SLC6A20: variants seen among roughly 807,000 people sequenced by gnomAD.
SLC6A20 encodes the protein sodium- and chloride-dependent transporter XTRP3.
Under a neutral mutation model 64.3 loss-of-function variants are expected in SLC6A20, and 73 were observed. The observed-to-expected ratio is 1.14, with a 90% CI of 0.94 to 1.38. The LOEUF is 1.38. Among genes scored for constraint, SLC6A20 ranks in the 40% most tolerant of loss-of-function variants. The probability of loss-of-function intolerance (pLI) is 0.00; values close to 1 mark genes in which losing one functional copy is unlikely to be tolerated. For synonymous variants in SLC6A20, 347 were observed against 329.6 expected, an observed-to-expected ratio of 1.05 and a Z score of -0.57; for missense variants, 725 against 772.8, an observed-to-expected ratio of 0.94 and a Z score of 0.73.
At chr3:45,761,787 A>G (rs535549342) in intron 9 of SLC6A20, among the ~76,000 whole-genome samples, 98 of 152,210 alleles carry the variant, frequency 6.4e-4, no homozygotes, top group Non-Finnish European at 1.3e-3. Flanking sequence ...TTTGGGATCC[A>G]CAACTGTCTT....
At position 45,770,332 on chromosome 3, in the gene SLC6A20, A is replaced by G; in HGVS notation, c.975T>C (p.Asp325=). Residue 325 remains aspartate (D), a synonymous_variant, in exon 7 of 11, where the codon GAT becomes GAC. Transcript: ENST00000358525. ...LLLTNTFDLE[D]GFLTASNLEQ... ...CCAGGTTGCTGGCTGTCAAAAAGCC[A>G]TCTTCAAGGTCAAAAGTGTTGGTCA... 2 of 1,614,212 alleles carry G rather than the reference A, an allele frequency of 1.2e-6. No homozygotes were observed. The highest frequency in any genetic ancestry group is 1.7e-6 in the Non-Finnish European group (2 of 1,180,044).
At chr3:45,764,708 C>CA (rs71288017) in intron 8 of SLC6A20, among the ~76,000 whole-genome samples, 20,474 of 107,202 alleles carry the variant, frequency 0.19, 1,586 homozygotes, top group East Asian at 0.26. Context: ...TCTTTAAAAA[C>CA]AAAAAAAAAA....
At chr3:45,772,440 C>A (rs1285952632) in intron 5 of SLC6A20, 65 bp downstream of exon 5, 2 of 1,446,058 alleles carry the variant, frequency 1.4e-6, no homozygotes, top group East Asian at 2.3e-5. Flanking sequence ...CCTCTTCCCA[C>A]CCATCCTGGA....
chr3:45,792,595 G>A (rs980912839), intron 1 of SLC6A20, among the ~76,000 whole-genome samples: 2 of 152,186 alleles, frequency 1.3e-5, no homozygotes. Context: ...CAGGTAAACA[G>A]CTGCAGCACT....
In SLC6A20 at chr3:45,772,623, C is replaced by T. The variant is rs1359999725; in HGVS notation, c.583-8G>A. On this transcript the variant is annotated splice_region_variant and splice_polypyrimidine_tract_variant and intron_variant, in intron 4 of 10. Coordinates refer to ENST00000358525, the MANE Select transcript of SLC6A20 (RefSeq NM_020208.4). ...CGCCGTGAAATACACCACCTGCGGGCATCAGAGGGCAGAGTTGGCCTCCCG... is the reference window on the plus strand; with the variant it reads ...CGCCGTGAAATACACCACCTGCGGGTATCAGAGGGCAGAGTTGGCCTCCCG... The T allele has an allele frequency of 1.2e-6, 2 of 1,610,650 alleles. No homozygotes were observed. Among genetic ancestry groups the T allele is most frequent in the South Asian group, 2.2e-5 (2 of 90,454 alleles).
At chr3:45,772,311 T>C in intron 5 of SLC6A20, 194 bp downstream of exon 5, 1 of 528,370 alleles carries the variant, frequency 1.9e-6, no homozygotes, top group South Asian at 2.8e-5. Flanking sequence ...TAACAGGGAG[T>C]GGGGATGACC....
intron 1 of SLC6A20, among the ~76,000 whole-genome samples, chr3:45,793,801 G>C (rs927837834): frequency 2.0e-5 from 3 of 152,186 alleles, no homozygotes; most frequent in Non-Finnish European, 2.9e-5. Flanking sequence ...TAATGTGGCT[G>C]ATTTTTACCT....
At chr3:45,783,495 A>G (rs1295620459) in intron 1 of SLC6A20, among the ~76,000 whole-genome samples, 1 of 152,232 alleles carries the variant, frequency 6.6e-6, no homozygotes, top group Non-Finnish European at 1.5e-5. Flanking sequence ...CACCCCTTAA[A>G]GAGCTGCATG....
rs1159461412 is a variant in SLC6A20 at position 45,793,331 on chromosome 3, ATAGT to A, written c.121+2964_121+2967del. On this transcript the variant is annotated intron_variant, in intron 1 of 10. Coordinates refer to ENST00000358525, the MANE Select transcript of SLC6A20 (RefSeq NM_020208.4). The stretch of plus-strand genomic sequence containing the variant: ...TCTTCCGTGCACAGGTTTATGTAAA[ATAGT>A]TAGTGCAGTATTTGCTTTTTACACC... 4.6e-5 allele frequency among the ~76,000 whole-genome samples: 7 copies of A among 150,910 alleles called. No individual in the cohort carries two copies. In the South Asian group the frequency reaches 1.4e-3, roughly 30 times the overall value.
At chr3:45,759,392 A>C (rs1400015756) in intron 10 of SLC6A20, among the ~76,000 whole-genome samples, 1 of 151,786 alleles carries the variant, frequency 6.6e-6, no homozygotes. Flanking sequence ...GGAGCTACCC[A>C]TAATGAATAA....
intron 1 of SLC6A20, among the ~76,000 whole-genome samples, chr3:45,795,939 C>G (rs1700337364): frequency 1.3e-5 from 2 of 152,150 alleles, no homozygotes; most frequent in Admixed American, 1.3e-4. Context: ...ACTTTTTACA[C>G]CTAAACGTAA....
intron 1 of SLC6A20, among the ~76,000 whole-genome samples, chr3:45,783,675 C>T (rs986641611): frequency 6.6e-6 from 1 of 152,244 alleles, no homozygotes; most frequent in Admixed American, 6.5e-5. Context: ...GGGGCAAAGA[C>T]CAGGCAGAGC....
At chr3:45,772,135 G>C in intron 5 of SLC6A20, 1 of 218,602 alleles carries the variant, frequency 4.6e-6, no homozygotes, top group Non-Finnish European at 8.9e-6. Flanking sequence ...CGGGTGCGTG[G>C]AACCATGTAA....
chr3:45,775,794 C>T lies in SLC6A20; in HGVS notation c.549G>A (p.Leu183=). The part of the protein sequence containing the change: ...CLLLAWLVVY[L]CILRGTESTG... ...TGGACTCGGTGCCACGCAGGATGCACAGGTACACCACCAGCCAGGCCAGGA... is the reference window on the plus strand; with the variant it reads ...TGGACTCGGTGCCACGCAGGATGCATAGGTACACCACCAGCCAGGCCAGGA... The change falls in exon 4 of 11, where the codon CTG becomes CTA. Residue 183 remains leucine, a synonymous_variant. Transcript: ENST00000358525. 6.2e-7 allele frequency: 1 copy of T among 1,614,084 alleles called. No individual in the cohort carries two copies. Among genetic ancestry groups the T allele is most frequent in the Non-Finnish European group, 8.5e-7 (1 of 1,179,982 alleles).
intron 1 of SLC6A20, 116 bp downstream of exon 1, chr3:45,796,183 C>T (rs1215781228): frequency 4.7e-6 from 7 of 1,487,558 alleles, no homozygotes; most frequent in Middle Eastern, 2.1e-4. Context: ...GGACAAATCA[C>T]GCTCGCTTTC....
Position 45,757,843 on chromosome 3 carries a change from A to T in SLC6A20, c.*1135T>A, listed in dbSNP as rs1699574925. 6.6e-6 allele frequency: 1 copy of T among 150,914 alleles called. No homozygotes were observed. Among genetic ancestry groups the T allele is most frequent in the South Asian group, 2.1e-4 (1 of 4,760 alleles). The allele number at this position is 150,914 out of a possible 1,614,324, so 9.3% of individuals were successfully genotyped here. A position where few individuals can be genotyped will look rare whatever the true frequency, so the allele number is the denominator to read the frequency against. On this transcript the variant is annotated 3_prime_UTR_variant, in exon 11 of 11. Transcript: ENST00000358525. ...TAATTTAAAATTAATTGTAAGTGGT[A>T]TTTGTGGTCTTGATAGAGTTGGCCA...
intron 1 of SLC6A20, among the ~76,000 whole-genome samples, chr3:45,788,649 A>C (rs1386071716): frequency 6.6e-6 from 1 of 152,256 alleles, no homozygotes; most frequent in African/African-American, 2.4e-5. Context: ...AATAAAAAAT[A>C]AAATTGGCTG....
chr3:45,796,193 C>G, intron 1 of SLC6A20, 106 bp downstream of exon 1: 1 of 1,499,240 alleles, frequency 6.7e-7, no homozygotes, highest in South Asian at 1.3e-5. Flanking sequence ...CGCTCGCTTT[C>G]CCGGCCTCAG....
At chr3:45,778,271 G>T (rs1442401940) in intron 3 of SLC6A20, among the ~76,000 whole-genome samples, 1 of 152,218 alleles carries the variant, frequency 6.6e-6, no homozygotes, top group African/African-American at 2.4e-5. Context: ...CTCTGCTCGG[G>T]TGCTCAGTGT....
Sources: gnomAD v4.1 joint callset for allele counts (sites outside exome capture counted in the v4.1 genomes callset) on GRCh38, gnomAD v4.1.1 for gene constraint, MANE v1.5 for transcripts, NCBI Gene and HGNC (gene_info 2026-07-23, HGNC 2026-07-21) for gene names.